PKN2: variants seen among roughly 807,000 people sequenced by gnomAD.
PKN2 encodes the protein serine/threonine-protein kinase N2.
A neutral mutation model predicts 119.1 loss-of-function variants in PKN2; 38 were observed. The observed-to-expected ratio is 0.32, with a 90% CI of 0.25 to 0.42. The LOEUF is 0.42. PKN2 is among the 10% of genes least tolerant of loss of function. PKN2 has a pLI of 1.00. For synonymous variants in PKN2, 390 were observed against 384.9 expected (o/e 1.01, Z -0.15); for missense variants, 850 against 1,165.1 (o/e 0.73, Z 3.94).
At chr1:88,808,621 CAAGGATTTGGTGGGGGTT>C (rs1671657575) in intron 15 of PKN2, among the ~76,000 whole-genome samples, 1 of 152,062 alleles carries the variant, frequency 6.6e-6, no homozygotes, top group South Asian at 2.1e-4. Flanking sequence ...TATTAAAATG[CAAGGATTTGGTGGGGGTT>C]AAGATTGTAA....
intron 8 of PKN2, among the ~76,000 whole-genome samples, chr1:88,795,395 A>C (rs1671020489): frequency 6.6e-6 from 1 of 152,148 alleles, no homozygotes; most frequent in Admixed American, 6.5e-5. Flanking sequence ...CCTCCCATTA[A>C]AAATTTTTAT....
intron 3 of PKN2, among the ~76,000 whole-genome samples, chr1:88,760,801 G>A (rs745854685): frequency 1.3e-4 from 19 of 151,196 alleles, no homozygotes; most frequent in Non-Finnish European, 2.7e-4. Context: ...TGTTTTTTTA[G>A]GTAACATTTT....
chr1:88,741,854 A>G (rs1309032695), intron 2 of PKN2, among the ~76,000 whole-genome samples: 1 of 152,108 alleles, frequency 6.6e-6, no homozygotes, highest in Non-Finnish European at 1.5e-5. Context: ...AATATAACCT[A>G]TGATTTCAAT....
chr1:88,718,369 A>G (rs1283205443), intron 1 of PKN2, among the ~76,000 whole-genome samples: 4 of 152,150 alleles, frequency 2.6e-5, no homozygotes, highest in African/African-American at 9.7e-5. Flanking sequence ...AGGGACATTT[A>G]AGTCTGCAGA....
At chr1:88,722,655 C>T (rs1041233680) in intron 1 of PKN2, among the ~76,000 whole-genome samples, 1 of 151,898 alleles carries the variant, frequency 6.6e-6, no homozygotes, top group African/African-American at 2.4e-5. Flanking sequence ...GTGGCACGTG[C>T]CTATATAGTT....
intron 1 of PKN2, among the ~76,000 whole-genome samples, chr1:88,711,316 AAAAG>A (rs1245043904): frequency 6.6e-6 from 1 of 152,136 alleles, no homozygotes; most frequent in Non-Finnish European, 1.5e-5. Context: ...GTGGAAAAAA[AAAAG>A]AACTTAAGGT....
In PKN2 at chr1:88,771,784, C is replaced by A; in HGVS notation, c.890C>A (p.Ser297Ter). The A allele has an allele frequency of 6.2e-7, 1 of 1,613,922 alleles. No individual in the cohort carries two copies. The highest frequency in any genetic ancestry group is 8.5e-7 in the Non-Finnish European group (1 of 1,179,866). Residue 297 changes from serine to a stop codon, truncating the protein, a stop_gained, in exon 6 of 22, where the codon TCA becomes TAA. Coordinates refer to ENST00000370521, the MANE Select transcript of PKN2 (RefSeq NM_006256.4). LOFTEE classifies it high-confidence loss of function. ...PKSRIIIEELSLVAASPTLSP... is the reference protein window; with the variant it reads ...PKSRIIIEEL The stretch of plus-strand genomic sequence containing the variant: ...AGCAGGATTATTATTGAAGAACTTT[C>A]ACTTGTTGCTGCATCACCAACACTA...
chr1:88,722,697 C>T (rs887482963), intron 1 of PKN2, among the ~76,000 whole-genome samples: 12 of 151,354 alleles, frequency 7.9e-5, no homozygotes, highest in African/African-American at 2.9e-4. Flanking sequence ...GTGGGAGGAT[C>T]ACTTGATCTT....
intron 8 of PKN2, among the ~76,000 whole-genome samples, chr1:88,786,522 ATTCT>A (rs1670583132): frequency 6.6e-6 from 1 of 152,222 alleles, no homozygotes; most frequent in Non-Finnish European, 1.5e-5. Flanking sequence ...AGCTAAGGCG[ATTCT>A]TCTGGCTCAC....
At chr1:88,735,607 C>CCCA (rs1418318210) in intron 1 of PKN2, among the ~76,000 whole-genome samples, 1 of 18,778 alleles carries the variant, frequency 5.3e-5, no homozygotes, top group Non-Finnish European at 1.2e-4. Context: ...AGCCCACCCC[C>CCCA]CCCCCCCCCA....
chr1:88,778,291 A>G (rs1670187299), intron 6 of PKN2, among the ~76,000 whole-genome samples: 1 of 152,240 alleles, frequency 6.6e-6, no homozygotes, highest in Middle Eastern at 3.2e-3. Context: ...TTGGTTTACT[A>G]TATAGTCATC....
chr1:88,700,880 C>A (rs902910756), intron 1 of PKN2, among the ~76,000 whole-genome samples: 2 of 152,144 alleles, frequency 1.3e-5, no homozygotes, highest in African/African-American at 2.4e-5. Flanking sequence ...TGAAAATCTT[C>A]CAATTTTAAT....
chr1:88,827,641 C>T (rs111235789), intron 18 of PKN2, among the ~76,000 whole-genome samples: 3 of 115,292 alleles, frequency 2.6e-5, no homozygotes, highest in African/African-American at 1.3e-4. Flanking sequence ...TCCCTTCCCT[C>T]CCCTCTTCTC....
chr1:88,795,315 C>CCTATTA (rs1671017154), intron 8 of PKN2, among the ~76,000 whole-genome samples: 1 of 152,098 alleles, frequency 6.6e-6, no homozygotes, highest in African/African-American at 2.4e-5. Context: ...ATAAGTTAGC[C>CCTATTA]CTATTAGCAC....
intron 1 of PKN2, among the ~76,000 whole-genome samples, chr1:88,734,084 A>G (rs1027862154): frequency 1.3e-5 from 2 of 151,826 alleles, no homozygotes; most frequent in East Asian, 1.9e-4. Flanking sequence ...CTTGAGCTCA[A>G]TGTTTCAAGG....
intron 6 of PKN2, among the ~76,000 whole-genome samples, chr1:88,774,191 C>G (rs6686483): frequency 0.067 from 10,180 of 152,222 alleles, 700 homozygotes; most frequent in African/African-American, 0.18. Flanking sequence ...ATATCACCCT[C>G]CTAACACATC....
intron 1 of PKN2, among the ~76,000 whole-genome samples, chr1:88,703,231 T>C (rs1379915593): frequency 2.0e-5 from 3 of 152,122 alleles, no homozygotes; most frequent in Admixed American, 1.3e-4. Context: ...TGAGAGATCC[T>C]TTTAAACTGG....
chr1:88,813,332 G>A (rs1671854784), intron 15 of PKN2, among the ~76,000 whole-genome samples: 1 of 152,010 alleles, frequency 6.6e-6, no homozygotes. Context: ...CTATCAATGT[G>A]AATGCTATAA....
chr1:88,818,799 C>G (rs992554614), intron 16 of PKN2, among the ~76,000 whole-genome samples: 5 of 152,106 alleles, frequency 3.3e-5, no homozygotes, highest in African/African-American at 1.2e-4. Context: ...CTGCAGCAAC[C>G]AAAACACCAT....
Sources: gnomAD v4.1 joint callset for allele counts (sites outside exome capture counted in the v4.1 genomes callset) on GRCh38, gnomAD v4.1.1 for gene constraint, MANE v1.5 for transcripts, NCBI Gene and HGNC (gene_info 2026-07-23, HGNC 2026-07-21) for gene names.